SNX13: variants seen among roughly 807,000 people sequenced by gnomAD.
SNX13 encodes the protein sorting nexin-13.
A neutral mutation model predicts 133.6 loss-of-function variants in SNX13; 45 were observed. That is an observed-to-expected ratio of 0.34 (90% CI 0.27 to 0.43). The LOEUF is 0.43. SNX13 is among the 20% of genes least tolerant of loss of function. The pLI, the probability that SNX13 is intolerant of heterozygous loss-of-function variation, is 1.00. For synonymous variants in SNX13, 414 were observed against 373.9 expected, an observed-to-expected ratio of 1.11 and a Z score of -1.24; for missense variants, 1,032 against 1,145.1, an observed-to-expected ratio of 0.90 and a Z score of 1.43.
chr7:17,928,795 C>G (rs1249469001), intron 1 of SNX13, among the ~76,000 whole-genome samples: 1 of 152,094 alleles, frequency 6.6e-6, no homozygotes, highest in African/African-American at 2.4e-5. Flanking sequence ...CCTGAAAATA[C>G]TACAAGATTC....
At chr7:17,893,667 A>G (rs1796882438) in intron 2 of SNX13, among the ~76,000 whole-genome samples, 2 of 152,170 alleles carry the variant, frequency 1.3e-5, no homozygotes, top group Non-Finnish European at 2.9e-5. Flanking sequence ...TTAATCCAAT[A>G]TATTTCCTAA....
In SNX13 at chr7:17,891,703, T is replaced by C. The variant is rs973659777; in HGVS notation, c.229-68A>G. ...TAAAATCTCTCCAGTTTAATTCCAGTTGAATACTCAATGTAACATCCCTTC... is the reference window on the plus strand; with the variant it reads ...TAAAATCTCTCCAGTTTAATTCCAGCTGAATACTCAATGTAACATCCCTTC... On this transcript the variant is annotated intron_variant, in intron 3 of 25. Coordinates refer to ENST00000428135, the MANE Select transcript of SNX13 (RefSeq NM_015132.5). 5.6e-6 allele frequency: 6 copies of C among 1,066,068 alleles called. No individual in the cohort carries two copies. In the African/African-American group the frequency reaches 9.4e-5, roughly 17 times the overall value. 66.0% of individuals were successfully genotyped at this position (1,066,068 alleles called of 1,614,324 possible).
chr7:17,939,888 G>T (rs1802602119), intron 1 of SNX13, among the ~76,000 whole-genome samples: 1 of 152,174 alleles, frequency 6.6e-6, no homozygotes, highest in Admixed American at 6.5e-5. Context: ...TGGAGCCCAG[G>T]GACCAGAGAA....
intron 25 of SNX13, 111 bp from the exon 26 acceptor site, chr7:17,794,403 T>C (rs1408023030): frequency 1.4e-5 from 18 of 1,304,742 alleles, no homozygotes; most frequent in Non-Finnish European, 1.9e-5. Context: ...GAACAGTAGG[T>C]AACCAGTTAA....
intron 1 of SNX13, among the ~76,000 whole-genome samples, chr7:17,912,151 A>C (rs1799050198): frequency 6.6e-6 from 1 of 152,338 alleles, no homozygotes; most frequent in South Asian, 2.1e-4. Flanking sequence ...CCCAGAACCC[A>C]GGAAGAAGAA....
rs990009197 is a variant in SNX13, at chr7:17,825,904, T to C, written c.1705+118A>G. On this transcript the variant is annotated intron_variant, in intron 17 of 25. Coordinates refer to ENST00000428135, the MANE Select transcript of SNX13 (RefSeq NM_015132.5). ...TGAAGGACATGCTGCAGAAAAAAAGTAACAAAACTATGACTAGAGAACAAA... is the reference window on the plus strand; with the variant it reads ...TGAAGGACATGCTGCAGAAAAAAAGCAACAAAACTATGACTAGAGAACAAA... 9.5e-6 allele frequency: 6 copies of C among 629,990 alleles called. No homozygotes were observed. In the East Asian group the frequency reaches 1.7e-4, roughly 18 times the overall value. The allele number at this position is 629,990 out of a possible 1,614,324, so 39.0% of individuals were successfully genotyped here. A position where few individuals can be genotyped will look rare whatever the true frequency, so the allele number is the denominator to read the frequency against.
At chr7:17,823,757 G>A (rs1368048746) in intron 17 of SNX13, among the ~76,000 whole-genome samples, 2 of 152,134 alleles carry the variant, frequency 1.3e-5, no homozygotes, top group East Asian at 3.8e-4. Flanking sequence ...TTTCTCAATG[G>A]AGTTAGCATG....
rs189054016 is a variant in SNX13 at position 17,867,591 on chromosome 7, T to A, written c.837+816A>T. On this transcript the variant is annotated intron_variant, in intron 9 of 25. Coordinates refer to ENST00000428135, the MANE Select transcript of SNX13 (RefSeq NM_015132.5). The stretch of plus-strand genomic sequence containing the variant: ...CTGCACTCTAGCCTGGATGAAAGAG[T>A]GAGATCCCATCTCAAAAATAAATAA... 4.2e-4 allele frequency among the ~76,000 whole-genome samples: 64 copies of A among 150,964 alleles called. No homozygotes were observed. In the East Asian group the frequency reaches 7.4e-3, roughly 18 times the overall value.
Position 17,865,381 on chromosome 7 carries a change from C to A in SNX13, c.837+3026G>T, listed in dbSNP as rs1212166234. ...GAAAAAGAAAACAAGAAAAGTAATC[C>A]CATATAATCACAAATAAAATACGTA... On this transcript the variant is annotated intron_variant, in intron 9 of 25. Coordinates refer to ENST00000428135, the MANE Select transcript of SNX13 (RefSeq NM_015132.5). 5.3e-5 allele frequency among the ~76,000 whole-genome samples: 8 copies of A among 151,816 alleles called. 1 individual carries two copies. Among genetic ancestry groups the A allele is most frequent in the Middle Eastern group, 6.3e-3 (2 of 316 alleles).
chr7:17,879,043 T>C (rs1795052493), intron 5 of SNX13, among the ~76,000 whole-genome samples: 1 of 152,158 alleles, frequency 6.6e-6, no homozygotes, highest in Non-Finnish European at 1.5e-5. Flanking sequence ...CCCTCTCCAC[T>C]ATTCCTTCAG....
At chr7:17,898,072 T>C (rs879028796) in intron 1 of SNX13, 2 of 151,010 alleles carry the variant, frequency 1.3e-5, no homozygotes, top group African/African-American at 2.4e-5. Flanking sequence ...AAAGTATCCA[T>C]ACATTAAAAA....
At chr7:17,844,803 C>A (rs1259133454) in intron 12 of SNX13, among the ~76,000 whole-genome samples, 2 of 151,488 alleles carry the variant, frequency 1.3e-5, no homozygotes, top group Non-Finnish European at 2.9e-5. Context: ...AACACCACAT[C>A]TTAATTGATG....
At chr7:17,898,554 T>G (rs1395546751) in intron 1 of SNX13, among the ~76,000 whole-genome samples, 2 of 152,126 alleles carry the variant, frequency 1.3e-5, no homozygotes, top group Non-Finnish European at 2.9e-5. Flanking sequence ...TACATTCTAG[T>G]AAGGAAAGAA....
chr7:17,937,246 T>C (rs1802196200), intron 1 of SNX13, among the ~76,000 whole-genome samples: 1 of 152,070 alleles, frequency 6.6e-6, no homozygotes. Context: ...CAAAGTTCAA[T>C]GTACATATTA....
At chr7:17,900,150 T>C (rs1797660209) in intron 1 of SNX13, 1 of 152,242 alleles carries the variant, frequency 6.6e-6, no homozygotes, top group South Asian at 2.1e-4. Flanking sequence ...CTTTCTTCCC[T>C]TACATTCTCC....
rs1234895662 is a variant in SNX13 at position 17,868,440 on chromosome 7, A to T, written c.804T>A (p.Asp268Glu). 3.1e-6 allele frequency: 5 copies of T among 1,610,456 alleles called. No homozygotes were observed. The highest frequency in any genetic ancestry group is 4.2e-6 in the Non-Finnish European group (5 of 1,178,246). The change falls in exon 9 of 26, where the codon GAT (aspartate) becomes GAA (glutamate). Residue 268 changes from aspartate to glutamate, a missense_variant. Physicochemically the swap from Asp to Glu is conservative, Grantham distance 45 (BLOSUM62 2). Coordinates refer to ENST00000428135, the MANE Select transcript of SNX13 (RefSeq NM_015132.5). ...ILLPLINQLSDPDYINQYVIW... is the reference protein window; with the variant it reads ...ILLPLINQLSEPDYINQYVIW... ...TGACATACTGATTAATATAATCAGG[A>T]TCACTGAGTTGATTTATTAATGGAA...
At chr7:17,857,459 G>C (rs187970984) in intron 9 of SNX13, among the ~76,000 whole-genome samples, 6 of 152,256 alleles carry the variant, frequency 3.9e-5, no homozygotes. Flanking sequence ...GCTCATCCCT[G>C]ATGAACACAG....
intron 13 of SNX13, among the ~76,000 whole-genome samples, chr7:17,837,862 T>C (rs1789333411): frequency 6.6e-6 from 1 of 151,886 alleles, no homozygotes; most frequent in South Asian, 2.1e-4. Context: ...TCAAGTAGTC[T>C]TATTTTAAAA....
chr7:17,838,625 T>C (rs543105125), intron 13 of SNX13, among the ~76,000 whole-genome samples: 1 of 151,944 alleles, frequency 6.6e-6, no homozygotes, highest in Non-Finnish European at 1.5e-5. Flanking sequence ...AAGCACTAAG[T>C]AGCTGCATCT....
Sources: allele counts gnomAD v4.1 joint callset (sites outside exome capture counted in the v4.1 genomes callset), GRCh38; gene constraint gnomAD v4.1.1; transcripts MANE v1.5; gene names NCBI Gene and HGNC (gene_info 2026-07-23, HGNC 2026-07-21).